Variants in ASAP1 observed in about 807,000 individuals in gnomAD.
The protein encoded by ASAP1 is arf-GAP with SH3 domain, ANK repeat and PH domain-containing protein 1.
In ASAP1, 43 loss-of-function variants were observed where a neutral mutation model predicts 145.2. That is an observed-to-expected ratio of 0.30 (90% confidence interval 0.23 to 0.38). The LOEUF is 0.38. Ranked by LOEUF, ASAP1 falls within the 10% of genes least tolerant of loss-of-function variation. The pLI is 1.00. For missense variants in ASAP1, 1,018 were observed against 1,355.3 expected (o/e 0.75, Z 3.91); for synonymous variants, 546 against 515.5 (o/e 1.06, Z -0.80).
At chr8:130,152,585 T>A in intron 13 of ASAP1, 151 bp downstream of exon 13, 1 of 549,490 alleles carries the variant, frequency 1.8e-6, no homozygotes, top group Non-Finnish European at 3.2e-6. Flanking sequence ...CAGGACAAGA[T>A]AAAACTTTTT....
At chr8:130,139,184 G>A (rs1207090405) in intron 13 of ASAP1, among the ~76,000 whole-genome samples, 1 of 152,200 alleles carries the variant, frequency 6.6e-6, no homozygotes, top group Admixed American at 6.5e-5. Context: ...AGATGAGTTA[G>A]AGGCATTACT....
chr8:130,436,055 T>A (rs1830300790), intron 1 of ASAP1, among the ~76,000 whole-genome samples: 1 of 152,212 alleles, frequency 6.6e-6, no homozygotes, highest in African/African-American at 2.4e-5. Context: ...ATGGGAGAAC[T>A]GGCTCCTCTA....
chr8:130,155,306 C>T (rs1006931505), intron 12 of ASAP1, among the ~76,000 whole-genome samples: 2 of 152,112 alleles, frequency 1.3e-5, no homozygotes, highest in South Asian at 2.1e-4. Flanking sequence ...ACTTTCAGAT[C>T]GCCAGAGGAA....
chr8:130,187,427 T>G (rs1814812461), intron 6 of ASAP1, 142 bp from the exon 7 acceptor site: 1 of 678,092 alleles, frequency 1.5e-6, no homozygotes, highest in Admixed American at 2.9e-5. Flanking sequence ...ACCATTTTTT[T>G]TTTTTTTTGA....
At chr8:130,394,908 G>A (rs1047542520) in intron 2 of ASAP1, among the ~76,000 whole-genome samples, 1 of 152,166 alleles carries the variant, frequency 6.6e-6, no homozygotes, top group African/African-American at 2.4e-5. Flanking sequence ...AGGCTCACAT[G>A]ACCAGCAAAC....
intron 24 of ASAP1, among the ~76,000 whole-genome samples, chr8:130,104,053 C>A (rs865851179): frequency 3.3e-5 from 5 of 152,282 alleles, no homozygotes; most frequent in Middle Eastern, 3.4e-3. Context: ...ATTTCTCTTC[C>A]TTTCCAGACT....
chr8:130,151,975 T>A (rs1481225292), intron 13 of ASAP1, among the ~76,000 whole-genome samples: 1 of 152,198 alleles, frequency 6.6e-6, no homozygotes, highest in Non-Finnish European at 1.5e-5. Flanking sequence ...ACCACATGGG[T>A]TGTTGGGAGG....
At chr8:130,200,931 C>T (rs939946169) in intron 5 of ASAP1, among the ~76,000 whole-genome samples, 1 of 152,172 alleles carries the variant, frequency 6.6e-6, no homozygotes, top group South Asian at 2.1e-4. Context: ...GCAGCTTCTC[C>T]GTAACACTAG....
At chr8:130,378,978 G>C (rs1827635473) in intron 2 of ASAP1, among the ~76,000 whole-genome samples, 1 of 152,108 alleles carries the variant, frequency 6.6e-6, no homozygotes, top group African/African-American at 2.4e-5. Flanking sequence ...TTGACTTCTG[G>C]CACAGAACTC....
intron 4 of ASAP1, among the ~76,000 whole-genome samples, chr8:130,234,925 G>T (rs535666040): frequency 1.3e-5 from 2 of 152,276 alleles, no homozygotes; most frequent in South Asian, 2.1e-4. Flanking sequence ...AGGCACTCAA[G>T]AATTCATCTA....
intron 25 of ASAP1, among the ~76,000 whole-genome samples, chr8:130,082,144 T>G (rs374921983): frequency 2.0e-5 from 3 of 152,182 alleles, no homozygotes; most frequent in African/African-American, 7.2e-5. Context: ...CTGGACAGAA[T>G]GTTCTGTAAT....
chr8:130,284,583 A>G (rs2137229762), intron 3 of ASAP1, among the ~76,000 whole-genome samples: 1 of 152,238 alleles, frequency 6.6e-6, no homozygotes, highest in South Asian at 2.1e-4. Context: ...TCACCACTCA[A>G]CAAGACCAAT....
chr8:130,399,553 C>G (rs1828681378), intron 2 of ASAP1, among the ~76,000 whole-genome samples: 1 of 152,118 alleles, frequency 6.6e-6, no homozygotes, highest in South Asian at 2.1e-4. Flanking sequence ...TATCATGTCT[C>G]GATCATATCA....
chr8:130,172,460 A>C (rs1007208803), intron 9 of ASAP1, among the ~76,000 whole-genome samples: 5 of 152,218 alleles, frequency 3.3e-5, no homozygotes, highest in Non-Finnish European at 1.5e-5. Context: ...GAGAACACTA[A>C]TTAAATCTCT....
At chr8:130,241,602 T>C (rs1009174397) in intron 3 of ASAP1, among the ~76,000 whole-genome samples, 2 of 152,154 alleles carry the variant, frequency 1.3e-5, no homozygotes, top group African/African-American at 4.8e-5. Context: ...AAAATAGTTC[T>C]AGATTCAGAA....
intron 24 of ASAP1, among the ~76,000 whole-genome samples, chr8:130,106,516 G>A (rs2097537075): frequency 6.6e-6 from 1 of 152,182 alleles, no homozygotes; most frequent in African/African-American, 2.4e-5. Context: ...AGCTGTGTCT[G>A]GGCACAACTG....
intron 27 of ASAP1, among the ~76,000 whole-genome samples, chr8:130,063,361 A>G (rs1223416238): frequency 1.3e-5 from 2 of 152,120 alleles, no homozygotes; most frequent in African/African-American, 4.8e-5. Flanking sequence ...ATTTTTTAGT[A>G]GAGACGTGCA....
At chr8:130,338,044 T>C (rs1268126732) in intron 3 of ASAP1, among the ~76,000 whole-genome samples, 1 of 152,016 alleles carries the variant, frequency 6.6e-6, no homozygotes, top group East Asian at 1.9e-4. Context: ...AGGCTCAGAG[T>C]GGTGAAGTGG....
chr8:130,142,151 T>C (rs1019359463), intron 13 of ASAP1, among the ~76,000 whole-genome samples: 1 of 152,204 alleles, frequency 6.6e-6, no homozygotes, highest in Non-Finnish European at 1.5e-5. Context: ...AAAGGTTAAG[T>C]AACATTCCTA....
Sources: allele counts gnomAD v4.1 joint callset (sites outside exome capture counted in the v4.1 genomes callset), GRCh38; gene constraint gnomAD v4.1.1; transcripts MANE v1.5; gene names NCBI Gene and HGNC (gene_info 2026-07-23, HGNC 2026-07-21).